SIPA1L1: variants seen among roughly 807,000 people sequenced by gnomAD.
SIPA1L1 encodes signal induced proliferation associated 1 like 1.
Under a neutral mutation model 162.7 loss-of-function variants are expected in SIPA1L1, and 26 were observed. That is an observed-to-expected ratio of 0.16 (90% CI 0.12 to 0.22). The LOEUF (loss-of-function observed/expected upper bound fraction) is 0.22, where lower values mean the gene tolerates loss of function less well. SIPA1L1 is among the 10% of genes least tolerant of loss of function. SIPA1L1 has a pLI of 1.00. For missense variants in SIPA1L1, 1,874 were observed against 2,241.0 expected (o/e 0.84, Z 3.31); for synonymous variants, 829 against 837.4 (o/e 0.99, Z 0.17).
intron 4 of SIPA1L1, among the ~76,000 whole-genome samples, chr14:71,536,409 T>C (rs1480253732): frequency 6.6e-6 from 1 of 152,230 alleles, no homozygotes; most frequent in Non-Finnish European, 1.5e-5. Flanking sequence ...CACAGTTTGT[T>C]GTCTTGAAGC....
chr14:71,603,306 CTA>C (rs2037018751), intron 5 of SIPA1L1, among the ~76,000 whole-genome samples: 1 of 151,882 alleles, frequency 6.6e-6, no homozygotes, highest in Non-Finnish European at 1.5e-5. Context: ...ATCAGCCGAT[CTA>C]TATCTTTTCT....
intron 2 of SIPA1L1, among the ~76,000 whole-genome samples, chr14:71,392,133 G>A (rs751859595): frequency 6.6e-6 from 1 of 152,126 alleles, no homozygotes; most frequent in Non-Finnish European, 1.5e-5. Context: ...CTTGGGGAGC[G>A]CAGGAAAGCT....
chr14:71,363,661 A>G (rs1350968574), intron 2 of SIPA1L1, among the ~76,000 whole-genome samples: 1 of 152,222 alleles, frequency 6.6e-6, no homozygotes, highest in Non-Finnish European at 1.5e-5. Flanking sequence ...GACATTGGCA[A>G]CTGAGTAAAT....
intron 2 of SIPA1L1, among the ~76,000 whole-genome samples, chr14:71,479,752 G>C (rs540194022): frequency 1.1e-3 from 166 of 152,114 alleles, no homozygotes; most frequent in Non-Finnish European, 1.8e-3. Flanking sequence ...TTTTAAGACA[G>C]GGTCTCCCTC....
chr14:71,423,359 G>A (rs1462239694), intron 2 of SIPA1L1, among the ~76,000 whole-genome samples: 2 of 151,934 alleles, frequency 1.3e-5, no homozygotes, highest in Non-Finnish European at 2.9e-5. Context: ...TTTTAATTTT[G>A]TTATATATGC....
chr14:71,691,462 C>T (rs1241467026), intron 13 of SIPA1L1, among the ~76,000 whole-genome samples: 2 of 152,118 alleles, frequency 1.3e-5, no homozygotes, highest in African/African-American at 4.8e-5. Flanking sequence ...GGTGTGGTGG[C>T]ACATGCCTGT....
intron 2 of SIPA1L1, among the ~76,000 whole-genome samples, chr14:71,455,674 C>T (rs2046136969): frequency 6.6e-6 from 1 of 152,016 alleles, no homozygotes; most frequent in South Asian, 2.1e-4. Flanking sequence ...TTAAAATCAT[C>T]CTGTGAGATG....
intron 3 of SIPA1L1, among the ~76,000 whole-genome samples, chr14:71,528,376 T>G (rs1190364972): frequency 6.6e-6 from 1 of 152,130 alleles, no homozygotes; most frequent in African/African-American, 2.4e-5. Flanking sequence ...ATTTTTCAGC[T>G]GGGCGCAGTA....
intron 2 of SIPA1L1, among the ~76,000 whole-genome samples, chr14:71,497,583 G>A (rs1365850621): frequency 6.6e-6 from 1 of 152,048 alleles, no homozygotes; most frequent in Non-Finnish European, 1.5e-5. Flanking sequence ...TAATAAATTG[G>A]GATGTTATAT....
chr14:71,341,393 G>A (rs1402385986), intron 2 of SIPA1L1, among the ~76,000 whole-genome samples: 4 of 152,106 alleles, frequency 2.6e-5, no homozygotes. Context: ...CTTGACTTCT[G>A]CCTATTGCCC....
chr14:71,610,892 A>G (rs1315465972), intron 5 of SIPA1L1, among the ~76,000 whole-genome samples: 2 of 152,200 alleles, frequency 1.3e-5, no homozygotes, highest in Non-Finnish European at 2.9e-5. Context: ...TACCTATGGG[A>G]AGAAGAAATG....
Position 71,587,995 on chromosome 14 carries a change from C to A in SIPA1L1, c.123C>A (p.Ser41=), listed in dbSNP as rs780503639. The A allele has an allele frequency of 6.2e-6, 10 of 1,613,974 alleles. No homozygotes were observed. The highest frequency in any genetic ancestry group is 3.3e-5 in the Admixed American group (2 of 59,998). The change falls in exon 5 of 24, where the codon TCC becomes TCA. Residue 41 remains serine, a synonymous_variant. Coordinates refer to ENST00000381232, the MANE Select transcript of SIPA1L1 (RefSeq NM_001386936.1). ...TDDFYMRRFR[S]QNGSLGSSVM... is the part of the protein sequence containing the mutation. ...ATTTCTACATGCGGCGCTTCCGGTC[C>A]CAAAATGGCAGCTTAGGATCATCAG...
Position 71,685,283 on chromosome 14 carries a change from T to C in SIPA1L1, c.3105-79T>C, listed in dbSNP as rs185752004. 381 of 1,464,764 alleles carry C rather than the reference T, an allele frequency of 2.6e-4. 1 individual carries two copies. The African/African-American group carries it at 4.5e-3, about 17-fold the overall frequency. 90.7% of individuals were successfully genotyped at this position (1,464,764 alleles called of 1,614,324 possible). A position where few individuals can be genotyped will look rare whatever the true frequency, so the allele number is the denominator to read the frequency against. ...GAAATTGTGGATCCATTTTTAAGTG[T>C]TAATGAGAATCAATGTGGTTCCACC... On this transcript the variant is annotated intron_variant, in intron 12 of 23. Transcript: ENST00000381232.
At chr14:71,336,242 G>A (rs1043674356) in intron 2 of SIPA1L1, among the ~76,000 whole-genome samples, 9 of 152,078 alleles carry the variant, frequency 5.9e-5, no homozygotes, top group Non-Finnish European at 8.8e-5. Flanking sequence ...TAAAAAGTCA[G>A]TAGTTCTTAG....
At chr14:71,731,649 T>C (rs1228365870) in intron 20 of SIPA1L1, among the ~76,000 whole-genome samples, 2 of 152,236 alleles carry the variant, frequency 1.3e-5, no homozygotes, top group African/African-American at 2.4e-5. Flanking sequence ...GCATGTGTCA[T>C]ATCAGAGTAG....
chr14:71,395,505 A>G (rs879497529), intron 2 of SIPA1L1, among the ~76,000 whole-genome samples: 1 of 152,194 alleles, frequency 6.6e-6, no homozygotes, highest in African/African-American at 2.4e-5. Flanking sequence ...TACAAAAAAT[A>G]AAAAACAATT....
intron 10 of SIPA1L1, among the ~76,000 whole-genome samples, chr14:71,664,267 A>C (rs2043801170): frequency 6.6e-6 from 1 of 152,158 alleles, no homozygotes. Context: ...TAGGGATATG[A>C]ATTTATAGGC....
chr14:71,640,033 A>T (rs1247773563), intron 7 of SIPA1L1, among the ~76,000 whole-genome samples: 1 of 152,098 alleles, frequency 6.6e-6, no homozygotes, highest in Non-Finnish European at 1.5e-5. Context: ...TCTCCCGAGT[A>T]GCTGGAATTA....
intron 2 of SIPA1L1, among the ~76,000 whole-genome samples, chr14:71,487,721 C>T (rs982115156): frequency 1.3e-5 from 2 of 152,160 alleles, no homozygotes; most frequent in Non-Finnish European, 2.9e-5. Context: ...TGAGGAACAG[C>T]AGTTTTTCAC....
Sources: allele counts gnomAD v4.1 joint callset (sites outside exome capture counted in the v4.1 genomes callset), GRCh38; gene constraint gnomAD v4.1.1; transcripts MANE v1.5; gene names NCBI Gene and HGNC (gene_info 2026-07-23, HGNC 2026-07-21).